Variants in FKBP9 observed in about 807,000 individuals in gnomAD.
FKBP9 encodes the protein peptidyl-prolyl cis-trans isomerase FKBP9.
In FKBP9, 27 loss-of-function variants were observed where a neutral mutation model predicts 55.6. The ratio of observed to expected loss-of-function variants is 0.49; its 90% CI spans 0.36 to 0.67. The LOEUF (loss-of-function observed/expected upper bound fraction) is 0.67. Ranked by LOEUF, FKBP9 falls within the 30% of genes least tolerant of loss-of-function variation. The pLI, the probability that FKBP9 is intolerant of heterozygous loss-of-function variation, is 0.00. For synonymous variants in FKBP9, 267 were observed against 296.5 expected (o/e 0.90, Z 1.02); for missense variants, 539 against 742.8 (o/e 0.73, Z 3.19).
In FKBP9 at chr7:32,991,156, G is replaced by A. The variant is rs770275559; in HGVS notation, c.1039+2504G>A. Among the ~76,000 whole-genome samples the A allele has an allele frequency of 3.9e-4, 59 of 152,226 alleles. 3 individuals carry two copies. The highest frequency in any genetic ancestry group is 5.0e-4 in the Non-Finnish European group (34 of 68,020). ...CTGAGGACTAATCTTTCCTTTCTTTGAAAAGAATGCATTGATGGAAAACAT... is the reference window on the plus strand; with the variant it reads ...CTGAGGACTAATCTTTCCTTTCTTTAAAAAGAATGCATTGATGGAAAACAT... On this transcript the variant is annotated intron_variant, in intron 6 of 9. Transcript: ENST00000242209.
intron 4 of FKBP9, among the ~76,000 whole-genome samples, chr7:32,977,855 ATATATATACATGCCCATATATATATATG>A (rs1784391428): frequency 7.4e-6 from 1 of 134,396 alleles, no homozygotes; most frequent in Admixed American, 7.7e-5. Context: ...ACACTCATAT[ATATATATACATGCCCATATATATATATG>A]TATATATACA....
chr7:32,987,209 A>G (rs1784596106), intron 5 of FKBP9, among the ~76,000 whole-genome samples: 1 of 152,114 alleles, frequency 6.6e-6, no homozygotes, highest in Admixed American at 6.6e-5. Context: ...CGGAATCTTC[A>G]TGTCAGGCTG....
At chr7:33,004,491 G>T (rs781689358) in intron 9 of FKBP9, among the ~76,000 whole-genome samples, 6 of 152,138 alleles carry the variant, frequency 3.9e-5, no homozygotes, top group Non-Finnish European at 8.8e-5. Context: ...CTGCTCAGGA[G>T]ACATCTACCC....
intron 9 of FKBP9, among the ~76,000 whole-genome samples, chr7:33,004,059 G>A (rs1324533800): frequency 1.3e-5 from 2 of 152,056 alleles, no homozygotes; most frequent in African/African-American, 2.4e-5. Flanking sequence ...TGGCTCAGGC[G>A]AGAGCACTCG....
At chr7:32,965,425 C>T (rs1784113959) in intron 1 of FKBP9, among the ~76,000 whole-genome samples, 1 of 152,124 alleles carries the variant, frequency 6.6e-6, no homozygotes, top group Admixed American at 6.5e-5. Flanking sequence ...CCACCATGCC[C>T]AGCCTGTCAT....
At chr7:32,973,682 G>GTTTTTTTTTTTTTTTTT (rs745717239) in intron 1 of FKBP9, among the ~76,000 whole-genome samples, 1 of 64,980 alleles carries the variant, frequency 1.5e-5, no homozygotes, top group Non-Finnish European at 2.9e-5. Flanking sequence ...GTTTTTTGTT[G>GTTTTTTTTTTTTTTTTT]TTTTTTTTTT....
chr7:32,969,937 T>C (rs1784220768), intron 1 of FKBP9, among the ~76,000 whole-genome samples: 1 of 151,932 alleles, frequency 6.6e-6, no homozygotes, highest in Non-Finnish European at 1.5e-5. Flanking sequence ...GAGGCAGAAG[T>C]TGCAGTGAGC....
At chr7:32,994,713 G>T (rs1784750137) in intron 6 of FKBP9, among the ~76,000 whole-genome samples, 1 of 151,656 alleles carries the variant, frequency 6.6e-6, no homozygotes, top group East Asian at 1.9e-4. Context: ...ATTTTCTCAG[G>T]ATTTTAATGA....
Position 33,000,103 on chromosome 7 carries a change from G to T in FKBP9, c.1227-12G>T, listed in dbSNP as rs1562576449. 1 of 1,614,128 alleles carries T rather than the reference G, an allele frequency of 6.2e-7. No homozygotes were observed. ...TGGTGACCTAACATGAGGCTCTTCT[G>T]TTTCATTTTAGGTGGAATTTAGGCA... On this transcript the variant is annotated splice_polypyrimidine_tract_variant and intron_variant, in intron 7 of 9. Transcript: ENST00000242209.
intron 1 of FKBP9, among the ~76,000 whole-genome samples, chr7:32,958,927 A>G (rs1783960090): frequency 6.6e-6 from 1 of 152,140 alleles, no homozygotes; most frequent in South Asian, 2.1e-4. Context: ...GATCAGGCAG[A>G]GAGAGCTATT....
intron 4 of FKBP9, among the ~76,000 whole-genome samples, chr7:32,977,287 T>C (rs1165735946): frequency 6.6e-6 from 1 of 152,214 alleles, no homozygotes; most frequent in African/African-American, 2.4e-5. Context: ...TACAATGATG[T>C]GTTGATTCAT....
chr7:32,977,807 A>G (rs2127981497), intron 4 of FKBP9, among the ~76,000 whole-genome samples: 1 of 146,180 alleles, frequency 6.8e-6, no homozygotes, highest in South Asian at 2.1e-4. Context: ...ATATACTTAT[A>G]TATATATATG....
chr7:33,005,074 A>C, intron 9 of FKBP9, 101 bp from the exon 10 acceptor site: 4 of 1,508,158 alleles, frequency 2.7e-6, no homozygotes, highest in Non-Finnish European at 3.5e-6. Context: ...GCCCAGACTC[A>C]AGTTCCAGCC....
chr7:33,001,127 G>C (rs780503174), intron 8 of FKBP9, among the ~76,000 whole-genome samples: 1 of 152,118 alleles, frequency 6.6e-6, no homozygotes, highest in Non-Finnish European at 1.5e-5. Context: ...TCTGGACATG[G>C]AGGAGATAGG....
At chr7:32,957,839 C>T in intron 1 of FKBP9, 45 bp downstream of exon 1, 1 of 1,354,298 alleles carries the variant, frequency 7.4e-7, no homozygotes, top group South Asian at 1.6e-5. Flanking sequence ...GGATGCGCGT[C>T]CCTCTCTCCG....
chr7:33,003,574 T>A (rs961632661), intron 9 of FKBP9, among the ~76,000 whole-genome samples: 1 of 152,226 alleles, frequency 6.6e-6, no homozygotes, highest in Non-Finnish European at 1.5e-5. Context: ...TGTCCCTCTA[T>A]GCCTCTGAGC....
In FKBP9 at chr7:32,981,938, C is replaced by T. The variant is rs190824681; in HGVS notation, c.893+1385C>T. On this transcript the variant is annotated intron_variant, in intron 5 of 9. Transcript: ENST00000242209. ...GAAAAGATATGTTGTATACCTGTTC[C>T]TGTCTGCCTAACCTCCCTGTCTCCC... Among the ~76,000 whole-genome samples, 1,470 of 151,074 alleles carry T rather than the reference C, an allele frequency of 9.7e-3. 15 individuals carry two copies. Among genetic ancestry groups the T allele is most frequent in the East Asian group, 0.043 (218 of 5,090 alleles).
chr7:32,967,417 C>T lies in FKBP9; in HGVS notation c.222-7200C>T, dbSNP rs1320334009. On this transcript the variant is annotated intron_variant, in intron 1 of 9. Transcript: ENST00000242209. ...TCCTTGTCCGCTGATAACAACATTC[C>T]ACTTTCTGTTTCTATGAGTTTAACT... 5.3e-5 allele frequency among the ~76,000 whole-genome samples: 8 copies of T among 152,124 alleles called. No individual in the cohort carries two copies. The East Asian group carries it at 7.7e-4, about 15-fold the overall frequency.
chr7:32,994,510 T>A lies in FKBP9; in HGVS notation c.1040-1653T>A, dbSNP rs553553526. On this transcript the variant is annotated intron_variant, in intron 6 of 9. Transcript: ENST00000242209. ...TTCCCACACAGAGCCATCCGTGGCC[T>A]GGCTTTGAGCAGCCTTCTGGCCAAT... Among the ~76,000 whole-genome samples the A allele has an allele frequency of 1.9e-3, 289 of 152,114 alleles. 2 individuals are homozygous for A. The highest frequency in any genetic ancestry group is 6.5e-3 in the African/African-American group (271 of 41,492).
Sources: allele counts gnomAD v4.1 joint callset (sites outside exome capture counted in the v4.1 genomes callset), GRCh38; gene constraint gnomAD v4.1.1; transcripts MANE v1.5; gene names NCBI Gene and HGNC (gene_info 2026-07-23, HGNC 2026-07-21).